UGT1A9: variants seen among roughly 807,000 people sequenced by gnomAD.
The protein encoded by UGT1A9 is UDP-glucuronosyltransferase 1A9.
In UGT1A9, 35 loss-of-function variants were observed where a neutral mutation model predicts 45.0. The observed-to-expected ratio is 0.78, with a 90% CI of 0.59 to 1.03. The LOEUF (loss-of-function observed/expected upper bound fraction) is 1.03, where lower values mean the gene tolerates loss of function less well. UGT1A9 is among the 50% of genes least tolerant of loss of function. The pLI, the probability that UGT1A9 is intolerant of heterozygous loss-of-function variation, is 0.00. For synonymous variants in UGT1A9, 278 were observed against 250.6 expected, an observed-to-expected ratio of 1.11 and a Z score of -1.03; for missense variants, 687 against 666.6, an observed-to-expected ratio of 1.03 and a Z score of -0.34.
rs2125545713 is a variant in UGT1A9, at chr2:233,690,623, A to G, written c.855+17834A>G. On this transcript the variant is annotated intron_variant, in intron 1 of 4. Coordinates refer to ENST00000354728, the MANE Select transcript of UGT1A9 (RefSeq NM_021027.3). The stretch of plus-strand genomic sequence containing the variant: ...AAATCGGCCTTTGCCTGGACACTCA[A>G]GTGATACCTGAGGACACCTTGACTC... 2.3e-6 allele frequency: 3 copies of G among 1,289,032 alleles called. No individual in the cohort carries two copies. The South Asian group carries it at 3.7e-5, about 16-fold the overall frequency. 79.8% of individuals were successfully genotyped at this position (1,289,032 alleles called of 1,614,324 possible). A position where few individuals can be genotyped will look rare whatever the true frequency, so the allele number is the denominator to read the frequency against.
intron 1 of UGT1A9, chr2:233,692,753 T>G: frequency 8.8e-7 from 1 of 1,135,016 alleles, no homozygotes. Context: ...AGCAGACTTG[T>G]GGAGCTGAAG....
chr2:233,687,341 A>G (rs1214962617), intron 1 of UGT1A9, among the ~76,000 whole-genome samples: 2 of 152,122 alleles, frequency 1.3e-5, no homozygotes, highest in Non-Finnish European at 2.9e-5. Flanking sequence ...GAATGATTTA[A>G]ACTTCAGATG....
At chr2:233,718,690 G>A in intron 1 of UGT1A9, 1 of 1,588,038 alleles carries the variant, frequency 6.3e-7, no homozygotes. Context: ...GTAACTGGAG[G>A]AGGGCACTTT....
chr2:233,674,089 A>G (rs996828384), intron 1 of UGT1A9, among the ~76,000 whole-genome samples: 1 of 151,412 alleles, frequency 6.6e-6, no homozygotes, highest in Admixed American at 6.6e-5. Flanking sequence ...TCAGTATATT[A>G]TTTTGGAGGG....
In UGT1A9 at chr2:233,741,465, T is replaced by C. The variant is rs1260988830; in HGVS notation, c.856-25569T>C. The stretch of plus-strand genomic sequence containing the variant: ...ACTACTCAGTGAGTATCTTCACACA[T>C]GTAAGTTCCCTCGTCTGATGTACAA... On this transcript the variant is annotated intron_variant, in intron 1 of 4. Coordinates refer to ENST00000354728, the MANE Select transcript of UGT1A9 (RefSeq NM_021027.3). 6 of 151,930 alleles carry C rather than the reference T, an allele frequency of 3.9e-5. 1 individual carries two copies. Among genetic ancestry groups the C allele is most frequent in the African/African-American group, 1.2e-4 (5 of 41,162 alleles). 9.4% of individuals were successfully genotyped at this position (151,930 alleles called of 1,614,324 possible).
At chr2:233,687,354 T>C (rs1345662003) in intron 1 of UGT1A9, among the ~76,000 whole-genome samples, 3 of 151,966 alleles carry the variant, frequency 2.0e-5, no homozygotes, top group African/African-American at 7.2e-5. Context: ...TTCAGATGGG[T>C]GGACTGTCTC....
At chr2:233,732,813 A>G (rs1272687468) in intron 1 of UGT1A9, among the ~76,000 whole-genome samples, 1 of 131,564 alleles carries the variant, frequency 7.6e-6, no homozygotes, top group Non-Finnish European at 1.6e-5. Flanking sequence ...TTTTGATTCC[A>G]TATGAACTTT....
intron 1 of UGT1A9, chr2:233,691,759 G>A: frequency 2.1e-6 from 1 of 478,956 alleles, no homozygotes; most frequent in South Asian, 8.9e-5. Flanking sequence ...TCTGACTCCT[G>A]CTCTAGGATT....
intron 1 of UGT1A9, among the ~76,000 whole-genome samples, chr2:233,738,562 T>C (rs1039423006): frequency 6.6e-6 from 1 of 152,186 alleles, no homozygotes; most frequent in African/African-American, 2.4e-5. Context: ...AGATGAGGAA[T>C]CTGTTGAGAA....
chr2:233,729,131 C>T, intron 1 of UGT1A9: 1 of 1,613,182 alleles, frequency 6.2e-7, no homozygotes, highest in Non-Finnish European at 8.5e-7. Flanking sequence ...GCTGAGATGG[C>T]CACAGGACTC....
At chr2:233,707,194 T>C (rs1446622222) in intron 1 of UGT1A9, among the ~76,000 whole-genome samples, 1 of 152,148 alleles carries the variant, frequency 6.6e-6, no homozygotes, top group Non-Finnish European at 1.5e-5. Context: ...TGCCCTCCGT[T>C]CTATTCCCTT....
chr2:233,672,398 T>C lies in UGT1A9; in HGVS notation c.464T>C (p.Leu155Ser). 6.2e-7 allele frequency: 1 copy of C among 1,614,102 alleles called. No homozygotes were observed. Among genetic ancestry groups the C allele is most frequent in the Non-Finnish European group, 8.5e-7 (1 of 1,179,984 alleles). Residue 155 changes from leucine (L) to serine (S), a missense_variant, in exon 1 of 5, where the codon TTA (leucine) becomes TCA (serine). Coordinates refer to ENST00000354728, the MANE Select transcript of UGT1A9 (RefSeq NM_021027.3). ...CTCGATCCTTTTGATAACTGTGGCT[T>C]AATTGTTGCCAAATATTTCTCCCTC... ...VFLDPFDNCG[L>S]IVAKYFSLPS...
intron 1 of UGT1A9, chr2:233,729,158 G>C (rs771653845): frequency 4.5e-5 from 73 of 1,613,350 alleles, no homozygotes; most frequent in Middle Eastern, 1.8e-4. Flanking sequence ...CCCCTGCCGT[G>C]GCTGGCCACA....
At chr2:233,729,598 G>C (rs775320084) in intron 1 of UGT1A9, 2 of 1,613,984 alleles carry the variant, frequency 1.2e-6, no homozygotes, top group South Asian at 2.2e-5. Flanking sequence ...TAACCTCTGC[G>C]CGGCAGTGCT....
intron 1 of UGT1A9, chr2:233,755,332 C>T (rs556124321): frequency 8.7e-6 from 4 of 459,716 alleles, no homozygotes; most frequent in South Asian, 5.8e-5. Flanking sequence ...CCAGCACCCG[C>T]GCACAGGTCA....
chr2:233,719,132 A>C (rs373602050), intron 1 of UGT1A9: 15 of 1,614,240 alleles, frequency 9.3e-6, no homozygotes, highest in African/African-American at 1.3e-5. Flanking sequence ...TTGAAACAGA[A>C]CATCTTCTGA....
At chr2:233,718,464 C>A (rs2076655519) in intron 1 of UGT1A9, among the ~76,000 whole-genome samples, 1 of 152,218 alleles carries the variant, frequency 6.6e-6, no homozygotes, top group Non-Finnish European at 1.5e-5. Flanking sequence ...CAGACCTCAG[C>A]TGCAGCCTGA....
intron 1 of UGT1A9, chr2:233,755,386 C>T (rs879759511): frequency 8.4e-5 from 29 of 346,256 alleles, no homozygotes; most frequent in South Asian, 2.1e-4. Flanking sequence ...CCCCTTATGA[C>T]GCAGCCACAT....
chr2:233,768,757 A>AT (rs2126041506), intron 4 of UGT1A9, among the ~76,000 whole-genome samples: 1 of 151,338 alleles, frequency 6.6e-6, no homozygotes, highest in African/African-American at 2.4e-5. Context: ...TAATTTTTGT[A>AT]TTTTTTAGTA....
Sources: allele counts gnomAD v4.1 joint callset (sites outside exome capture counted in the v4.1 genomes callset), GRCh38; gene constraint gnomAD v4.1.1; transcripts MANE v1.5; gene names NCBI Gene and HGNC (gene_info 2026-07-23, HGNC 2026-07-21).